Variants in CNTNAP2 observed in about 807,000 individuals in gnomAD.
CNTNAP2 encodes the protein contactin associated protein 2.
CNTNAP2 carries 98 observed loss-of-function variants against 155.2 expected under a neutral mutation model. That is an observed-to-expected ratio of 0.63 (90% CI 0.54 to 0.75). The LOEUF (loss-of-function observed/expected upper bound fraction) is 0.75, where lower values mean the gene tolerates loss of function less well. CNTNAP2 is among the 30% of genes least tolerant of loss of function. The probability of loss-of-function intolerance (pLI) is 0.00; values close to 1 mark genes in which losing one functional copy is unlikely to be tolerated. For synonymous variants in CNTNAP2, 651 were observed against 631.2 expected, an observed-to-expected ratio of 1.03 and a Z score of -0.47; for missense variants, 1,727 against 1,688.1, an observed-to-expected ratio of 1.02 and a Z score of -0.40.
At chr7:146,889,994 T>C (rs1795744094) in intron 3 of CNTNAP2, among the ~76,000 whole-genome samples, 1 of 152,108 alleles carries the variant, frequency 6.6e-6, no homozygotes, top group Non-Finnish European at 1.5e-5. Context: ...CGTCTATCAC[T>C]TGGGTATATT....
At chr7:146,721,218 CTATA>C (rs1220667858) in intron 1 of CNTNAP2, among the ~76,000 whole-genome samples, 6 of 131,602 alleles carry the variant, frequency 4.6e-5, no homozygotes, top group South Asian at 2.4e-4. Context: ...TATATATTCT[CTATA>C]TATATTCTCT....
chr7:147,477,128 G>A (rs1798337023), intron 10 of CNTNAP2, among the ~76,000 whole-genome samples: 1 of 152,108 alleles, frequency 6.6e-6, no homozygotes, highest in Non-Finnish European at 1.5e-5. Flanking sequence ...TAAAAGAGAT[G>A]AGATGGAAAT....
At chr7:146,242,490 G>A (rs975731275) in intron 1 of CNTNAP2, among the ~76,000 whole-genome samples, 1 of 150,880 alleles carries the variant, frequency 6.6e-6, no homozygotes, top group African/African-American at 2.5e-5. Flanking sequence ...AGTGAGCCGA[G>A]ATTGTGCCAC....
intron 1 of CNTNAP2, among the ~76,000 whole-genome samples, chr7:146,360,457 A>G (rs1046983029): frequency 3.9e-5 from 6 of 152,240 alleles, no homozygotes; most frequent in African/African-American, 1.4e-4. Flanking sequence ...AAATGTGGAA[A>G]ACACAGACTT....
chr7:146,822,411 T>G (rs1157582624), intron 2 of CNTNAP2, among the ~76,000 whole-genome samples: 1 of 151,748 alleles, frequency 6.6e-6, no homozygotes, highest in Non-Finnish European at 1.5e-5. Flanking sequence ...ACATGGCACA[T>G]GTATACATAT....
chr7:147,398,762 G>A (rs1388830507), intron 10 of CNTNAP2, among the ~76,000 whole-genome samples: 1 of 147,168 alleles, frequency 6.8e-6, no homozygotes, highest in Non-Finnish European at 1.5e-5. Flanking sequence ...TGCTATTCTA[G>A]GCACTTGGAA....
intron 1 of CNTNAP2, among the ~76,000 whole-genome samples, chr7:146,416,018 C>T (rs1393080159): frequency 6.6e-6 from 1 of 151,742 alleles, no homozygotes; most frequent in Non-Finnish European, 1.5e-5. Context: ...TTCAAAGTCA[C>T]ATAAAAAATA....
chr7:147,440,699 T>G (rs1797622747), intron 10 of CNTNAP2, among the ~76,000 whole-genome samples: 1 of 152,154 alleles, frequency 6.6e-6, no homozygotes, highest in African/African-American at 2.4e-5. Context: ...AATCTTTATT[T>G]CTTCTTCACG....
At chr7:147,575,580 A>G (rs372824705) in intron 12 of CNTNAP2, among the ~76,000 whole-genome samples, 1 of 151,580 alleles carries the variant, frequency 6.6e-6, no homozygotes, top group Non-Finnish European at 1.5e-5. Context: ...TAGAAGGCAT[A>G]TAAGTTAATT....
chr7:146,548,144 T>G (rs1168910962), intron 1 of CNTNAP2, among the ~76,000 whole-genome samples: 1 of 151,906 alleles, frequency 6.6e-6, no homozygotes, highest in Non-Finnish European at 1.5e-5. Flanking sequence ...AAGGCCCCAG[T>G]GTGTGTTATT....
At chr7:147,953,684 C>A (rs1391313916) in intron 14 of CNTNAP2, among the ~76,000 whole-genome samples, 1 of 152,118 alleles carries the variant, frequency 6.6e-6, no homozygotes, top group Non-Finnish European at 1.5e-5. Context: ...AAAATTTACT[C>A]TCTCAAGGTT....
chr7:146,388,007 AGT>A (rs142522965), intron 1 of CNTNAP2, among the ~76,000 whole-genome samples: 6,332 of 147,226 alleles, frequency 0.043, 387 homozygotes, highest in African/African-American at 0.14. Flanking sequence ...TGTGTGCATG[AGT>A]GTGTGTGTGT....
chr7:146,625,777 C>T (rs954608303), intron 1 of CNTNAP2, among the ~76,000 whole-genome samples: 38 of 151,946 alleles, frequency 2.5e-4, no homozygotes, highest in Non-Finnish European at 8.8e-5. Flanking sequence ...CAGTAATTCT[C>T]ATAAGTAATT....
At chr7:147,465,522 C>T (rs965152819) in intron 10 of CNTNAP2, among the ~76,000 whole-genome samples, 1 of 152,092 alleles carries the variant, frequency 6.6e-6, no homozygotes, top group Non-Finnish European at 1.5e-5. Flanking sequence ...GGAGATTTGA[C>T]TTCATATCTT....
chr7:148,038,582 G>A (rs1055884651), intron 15 of CNTNAP2, among the ~76,000 whole-genome samples: 1 of 152,174 alleles, frequency 6.6e-6, no homozygotes, highest in African/African-American at 2.4e-5. Context: ...ACTAGAGGAA[G>A]TCAAGGATCA....
intron 1 of CNTNAP2, among the ~76,000 whole-genome samples, chr7:146,572,853 G>A (rs535714167): frequency 1.1e-3 from 165 of 152,194 alleles, no homozygotes; most frequent in Non-Finnish European, 1.5e-3. Flanking sequence ...TATAACTGGA[G>A]TTAGTGTCAG....
chr7:146,140,802 G>A (rs968828665), intron 1 of CNTNAP2, among the ~76,000 whole-genome samples: 4 of 151,892 alleles, frequency 2.6e-5, no homozygotes, highest in Non-Finnish European at 5.9e-5. Context: ...TTTTCATAGC[G>A]GAAACAAAGG....
At chr7:146,310,488 A>G (rs1800800048) in intron 1 of CNTNAP2, among the ~76,000 whole-genome samples, 3 of 152,136 alleles carry the variant, frequency 2.0e-5, no homozygotes, top group Admixed American at 2.0e-4. Flanking sequence ...GGTGGAAATC[A>G]TGTAGTTCAG....
chr7:147,120,929 G>C (rs529719213), intron 5 of CNTNAP2, 50 bp from the exon 6 acceptor site: 2 of 1,540,338 alleles, frequency 1.3e-6, no homozygotes, highest in African/African-American at 2.7e-5. Flanking sequence ...GCTTCACAGA[G>C]TTGGCCATAG....
Sources: allele counts gnomAD v4.1 joint callset (sites outside exome capture counted in the v4.1 genomes callset), GRCh38; gene constraint gnomAD v4.1.1; transcripts MANE v1.5; gene names NCBI Gene and HGNC (gene_info 2026-07-23, HGNC 2026-07-21).